Variants in CHST11 observed in about 807,000 individuals in gnomAD.
CHST11 encodes the protein C4S-1.
A neutral mutation model predicts 30.4 loss-of-function variants in CHST11; 9 were observed. The ratio of observed to expected loss-of-function variants is 0.30; its 90% confidence interval spans 0.18 to 0.52. The LOEUF is 0.52. Among genes scored for constraint, CHST11 ranks in the 20% least tolerant of loss-of-function variants. The pLI, the probability that CHST11 is intolerant of heterozygous loss-of-function variation, is 0.97. For missense variants in CHST11, 348 were observed against 460.6 expected (o/e 0.76, Z 2.24); for synonymous variants, 152 against 187.8 (o/e 0.81, Z 1.56).
intron 1 of CHST11, among the ~76,000 whole-genome samples, chr12:104,524,401 G>T (rs1164279833): frequency 6.6e-6 from 1 of 152,144 alleles, no homozygotes; most frequent in African/African-American, 2.4e-5. Flanking sequence ...TCATTCATTT[G>T]TCCTAATCCA....
chr12:104,596,811 C>A (rs973124201), intron 1 of CHST11, among the ~76,000 whole-genome samples: 1 of 152,166 alleles, frequency 6.6e-6, no homozygotes. Context: ...TGACTTCCGT[C>A]CCTGGTTCTG....
At chr12:104,704,247 C>T (rs1566045609) in intron 2 of CHST11, among the ~76,000 whole-genome samples, 1 of 152,202 alleles carries the variant, frequency 6.6e-6, no homozygotes, top group Non-Finnish European at 1.5e-5. Flanking sequence ...GTGTCACTTC[C>T]CTGGGGCCTA....
At chr12:104,652,988 T>A (rs1038260758) in intron 2 of CHST11, among the ~76,000 whole-genome samples, 9 of 152,170 alleles carry the variant, frequency 5.9e-5, no homozygotes, top group African/African-American at 1.7e-4. Flanking sequence ...GCTTTTTTTT[T>A]AAATTGTAAA....
At chr12:104,493,536 G>T (rs1277455169) in intron 1 of CHST11, among the ~76,000 whole-genome samples, 1 of 152,154 alleles carries the variant, frequency 6.6e-6, no homozygotes, top group African/African-American at 2.4e-5. Context: ...TGAGAGGGGT[G>T]GAAATAGTGT....
At chr12:104,659,395 C>T (rs2039576032) in intron 2 of CHST11, among the ~76,000 whole-genome samples, 1 of 152,132 alleles carries the variant, frequency 6.6e-6, no homozygotes, top group African/African-American at 2.4e-5. Context: ...TCTCTAAGAG[C>T]TTCCGGGGAT....
chr12:104,723,722 G>C (rs2040196011), intron 2 of CHST11, among the ~76,000 whole-genome samples: 1 of 152,194 alleles, frequency 6.6e-6, no homozygotes, highest in South Asian at 2.1e-4. Context: ...GTGACCCTAA[G>C]TGGCCCTCCC....
intron 2 of CHST11, among the ~76,000 whole-genome samples, chr12:104,663,407 A>G (rs1293933529): frequency 6.6e-6 from 1 of 152,238 alleles, no homozygotes; most frequent in Non-Finnish European, 1.5e-5. Flanking sequence ...AGTCAAATGA[A>G]TAAGGTAAAA....
intron 1 of CHST11, among the ~76,000 whole-genome samples, chr12:104,486,826 A>G (rs895042222): frequency 1.3e-5 from 2 of 152,220 alleles, no homozygotes; most frequent in African/African-American, 4.8e-5. Flanking sequence ...GCAGCTGAAC[A>G]TGATTTCTGA....
chr12:104,656,564 G>A (rs577739691), intron 2 of CHST11, among the ~76,000 whole-genome samples: 4 of 152,248 alleles, frequency 2.6e-5, no homozygotes, highest in Non-Finnish European at 4.4e-5. Flanking sequence ...GCGTGCATGC[G>A]GTGACTCTTC....
chr12:104,701,770 G>T (rs1319020297), intron 2 of CHST11, among the ~76,000 whole-genome samples: 1 of 152,100 alleles, frequency 6.6e-6, no homozygotes, highest in African/African-American at 2.4e-5. Flanking sequence ...CTGGACTTGG[G>T]CTGCCCCAGG....
chr12:104,752,500 AT>A (rs2040440846), intron 2 of CHST11, among the ~76,000 whole-genome samples: 2 of 124,484 alleles, frequency 1.6e-5, no homozygotes, highest in Non-Finnish European at 3.3e-5. Flanking sequence ...TGGGAAATTT[AT>A]TTACTTATTT....
chr12:104,494,834 A>G (rs529201405), intron 1 of CHST11, among the ~76,000 whole-genome samples: 1 of 152,332 alleles, frequency 6.6e-6, no homozygotes, highest in African/African-American at 2.4e-5. Flanking sequence ...AGCACAATGT[A>G]AACTTTACCA....
At position 104,577,200 on chromosome 12, in the gene CHST11, G is replaced by C. The variant is rs897762637; in HGVS notation, c.119-24706G>C. 3.4e-5 allele frequency among the ~76,000 whole-genome samples: 5 copies of C among 147,046 alleles called. No individual in the cohort carries two copies. In the South Asian group the frequency reaches 1.1e-3, roughly 32 times the overall value. ...GACAGAGTGTTTCTGTTTTGCACCG[G>C]TATGATTCGTGTATCTGAGGGCTGC... On this transcript the variant is annotated intron_variant, in intron 1 of 2. Coordinates refer to ENST00000303694, the MANE Select transcript of CHST11 (RefSeq NM_018413.6).
At chr12:104,581,040 G>A (rs149098923) in intron 1 of CHST11, among the ~76,000 whole-genome samples, 12 of 152,204 alleles carry the variant, frequency 7.9e-5, no homozygotes, top group African/African-American at 2.9e-4. Context: ...GCCTTTTCTG[G>A]TGTTTTTCTG....
chr12:104,517,285 C>T (rs1238487100), intron 1 of CHST11, among the ~76,000 whole-genome samples: 3 of 152,194 alleles, frequency 2.0e-5, no homozygotes, highest in Non-Finnish European at 4.4e-5. Context: ...TTTTATTGCA[C>T]CCGCGCTTGG....
chr12:104,488,117 C>T (rs1467803847), intron 1 of CHST11, among the ~76,000 whole-genome samples: 1 of 151,758 alleles, frequency 6.6e-6, no homozygotes, highest in African/African-American at 2.4e-5. Flanking sequence ...TATCTGGCAA[C>T]TAATTTTTTT....
intron 1 of CHST11, among the ~76,000 whole-genome samples, chr12:104,475,111 AT>A (rs2037544695): frequency 6.6e-6 from 1 of 152,188 alleles, no homozygotes; most frequent in African/African-American, 2.4e-5. Context: ...ATCAATACAC[AT>A]TTACATGAGG....
chr12:104,465,502 T>C (rs545974595), intron 1 of CHST11, among the ~76,000 whole-genome samples: 3 of 152,364 alleles, frequency 2.0e-5, no homozygotes, highest in African/African-American at 2.4e-5. Context: ...CATGACTTTG[T>C]CATTTCTCTT....
intron 1 of CHST11, among the ~76,000 whole-genome samples, chr12:104,587,391 A>G (rs192242351): frequency 1.3e-5 from 2 of 152,176 alleles, no homozygotes; most frequent in African/African-American, 4.8e-5. Context: ...ACAAGCATTT[A>G]TTTATTCATT....
Sources: gnomAD v4.1 joint callset for allele counts (sites outside exome capture counted in the v4.1 genomes callset) on GRCh38, gnomAD v4.1.1 for gene constraint, MANE v1.5 for transcripts, NCBI Gene and HGNC (gene_info 2026-07-23, HGNC 2026-07-21) for gene names.